Variants in FBXL13 observed in about 807,000 individuals in gnomAD.
FBXL13 encodes F-box and leucine-rich repeat protein 13.
In FBXL13, 67 loss-of-function variants were observed where a neutral mutation model predicts 83.6. That is an observed-to-expected ratio of 0.80 (90% confidence interval 0.66 to 0.98). The LOEUF (loss-of-function observed/expected upper bound fraction) is 0.98, where lower values mean the gene tolerates loss of function less well. Among genes scored for constraint, FBXL13 ranks in the 50% least tolerant of loss-of-function variants. The pLI is 0.00. For synonymous variants in FBXL13, 272 were observed against 299.5 expected, an observed-to-expected ratio of 0.91 and a Z score of 0.95; for missense variants, 822 against 866.5, an observed-to-expected ratio of 0.95 and a Z score of 0.64.
chr7:102,821,925 G>A, intron 19 of FBXL13, 115 bp downstream of exon 20: 1 of 1,172,376 alleles, frequency 8.5e-7, no homozygotes, highest in Non-Finnish European at 1.2e-6. Context: ...AAAATAAAAT[G>A]AAATGAAACT....
chr7:102,903,099 T>C (rs1383956606), intron 11 of FBXL13, among the ~76,000 whole-genome samples: 1 of 152,132 alleles, frequency 6.6e-6, no homozygotes. Context: ...TTTAATTTAT[T>C]CATCAGTGTT....
intron 7 of FBXL13, among the ~76,000 whole-genome samples, chr7:102,965,336 A>C (rs746432167): frequency 6.6e-6 from 1 of 152,184 alleles, no homozygotes; most frequent in Non-Finnish European, 1.5e-5. Flanking sequence ...CATCTGTAAA[A>C]TGGGAAAAAT....
intron 10 of FBXL13, among the ~76,000 whole-genome samples, chr7:102,916,656 C>G (rs530650205): frequency 1.3e-5 from 2 of 152,254 alleles, no homozygotes; most frequent in South Asian, 4.1e-4. Flanking sequence ...GGCAAAGACG[C>G]GTGTCCCCTA....
chr7:103,000,398 A>C (rs1324357237), intron 6 of FBXL13, among the ~76,000 whole-genome samples: 2 of 152,226 alleles, frequency 1.3e-5, no homozygotes, highest in Non-Finnish European at 2.9e-5. Context: ...ATAAAAAACC[A>C]AAGTTGCTTT....
chr7:102,979,530 G>C (rs542202584), intron 6 of FBXL13, among the ~76,000 whole-genome samples: 1 of 152,172 alleles, frequency 6.6e-6, no homozygotes, highest in Non-Finnish European at 1.5e-5. Flanking sequence ...CATCTTTGTA[G>C]GGGGTGGGGT....
At chr7:103,052,612 A>G (rs749103062) in intron 2 of FBXL13, among the ~76,000 whole-genome samples, 3 of 152,232 alleles carry the variant, frequency 2.0e-5, no homozygotes, top group Non-Finnish European at 4.4e-5. Flanking sequence ...GTCATATCTC[A>G]TTTTTATTAT....
At chr7:103,036,504 C>T (rs1192823128) in intron 2 of FBXL13, among the ~76,000 whole-genome samples, 1 of 152,016 alleles carries the variant, frequency 6.6e-6, no homozygotes, top group East Asian at 1.9e-4. Flanking sequence ...TCTTGATCTT[C>T]TGCAAATTAC....
intron 6 of FBXL13, among the ~76,000 whole-genome samples, chr7:102,994,857 A>G (rs1296443082): frequency 6.6e-6 from 1 of 152,148 alleles, no homozygotes; most frequent in African/African-American, 2.4e-5. Context: ...CCCAAAGTTA[A>G]GCAGATGTGT....
rs1794273452 is a variant in FBXL13, at chr7:103,029,422, A to T, written c.1-4T>A. The T allele has an allele frequency of 6.9e-7, 1 of 1,452,638 alleles. No individual in the cohort carries two copies. The highest frequency in any genetic ancestry group is 2.6e-5 in the East Asian group (1 of 38,836). The allele number at this position is 1,452,638 out of a possible 1,614,324, so 90.0% of individuals were successfully genotyped here. ...TTATCATCAATTCCGGAGTCATCTAAAGTAAATAAATAATTGAAATAACAA... is the reference window on the plus strand; with the variant it reads ...TTATCATCAATTCCGGAGTCATCTATAGTAAATAAATAATTGAAATAACAA... On this transcript the variant is annotated splice_region_variant and splice_polypyrimidine_tract_variant and intron_variant, in intron 2 of 19. Coordinates refer to ENST00000313221, the Ensembl canonical transcript of FBXL13.
chr7:102,955,209 A>C (rs1269049573), intron 8 of FBXL13, among the ~76,000 whole-genome samples: 1 of 152,232 alleles, frequency 6.6e-6, no homozygotes, highest in Non-Finnish European at 1.5e-5. Context: ...ACCACAGTGT[A>C]ATCAAATTAG....
chr7:103,061,303 T>C (rs1013197080), intron 1 of FBXL13, among the ~76,000 whole-genome samples: 3 of 152,178 alleles, frequency 2.0e-5, no homozygotes, highest in Admixed American at 6.5e-5. Context: ...CTCTGATACC[T>C]GCCGGACTGG....
chr7:102,950,689 A>G (rs1333058847), intron 8 of FBXL13, among the ~76,000 whole-genome samples: 1 of 152,236 alleles, frequency 6.6e-6, no homozygotes, highest in East Asian at 1.9e-4. Context: ...AAAATGATTT[A>G]TCAAGCCATG....
chr7:103,030,500 G>GTCT (rs1794393629), intron 2 of FBXL13, among the ~76,000 whole-genome samples: 1 of 152,076 alleles, frequency 6.6e-6, no homozygotes, highest in African/African-American at 2.4e-5. Context: ...AAGGGGATGA[G>GTCT]GTGGCAAAGG....
At chr7:103,033,150 GGTTT>G (rs1385763503) in intron 2 of FBXL13, among the ~76,000 whole-genome samples, 3 of 152,052 alleles carry the variant, frequency 2.0e-5, no homozygotes, top group Admixed American at 6.6e-5. Flanking sequence ...GACTAAGAAA[GGTTT>G]TTTTGTTTGT....
intron 11 of FBXL13, among the ~76,000 whole-genome samples, chr7:102,896,640 TC>T (rs941490196): frequency 1.3e-5 from 2 of 152,184 alleles, no homozygotes; most frequent in African/African-American, 2.4e-5. Flanking sequence ...GAAGGATTTG[TC>T]CCAGGCCCCT....
At chr7:102,837,926 A>T (rs1334873458) in intron 17 of FBXL13, among the ~76,000 whole-genome samples, 7 of 152,224 alleles carry the variant, frequency 4.6e-5, no homozygotes, top group Non-Finnish European at 8.8e-5. Flanking sequence ...TGAGGGTAGA[A>T]TCCATGTCTA....
intron 2 of FBXL13, among the ~76,000 whole-genome samples, chr7:103,030,340 A>G (rs1794374935): frequency 6.6e-6 from 1 of 152,218 alleles, no homozygotes; most frequent in Admixed American, 6.5e-5. Context: ...CTCACTTTTG[A>G]TGGAGATTAA....
In FBXL13 at chr7:102,883,904, T is replaced by G. The variant is rs558254043; in HGVS notation, c.1108-219A>C. On this transcript the variant is annotated intron_variant, in intron 12 of 19. Transcript: ENST00000313221. The stretch of plus-strand genomic sequence containing the variant: ...ATCACGTACTAAGAGTATGGGAAAA[T>G]ATGAGAAATGGACTACTGAAAAAAA... Among the ~76,000 whole-genome samples, 35 of 152,196 alleles carry G rather than the reference T, an allele frequency of 2.3e-4. 1 individual carries two copies. The South Asian group carries it at 7.0e-3, about 31-fold the overall frequency.
intron 6 of FBXL13, among the ~76,000 whole-genome samples, chr7:103,000,146 T>C (rs1790241981): frequency 6.6e-6 from 1 of 152,220 alleles, no homozygotes; most frequent in Non-Finnish European, 1.5e-5. Context: ...TTCATCTTAA[T>C]TTCTTCACTG....
Sources: allele counts gnomAD v4.1 joint callset (sites outside exome capture counted in the v4.1 genomes callset), GRCh38; gene constraint gnomAD v4.1.1; transcripts MANE v1.5; gene names NCBI Gene and HGNC (gene_info 2026-07-23, HGNC 2026-07-21).